The following STT3B variants were observed in gnomAD, a reference collection of about 807,000 sequenced individuals.
STT3B encodes the protein STT3 oligosaccharyltransferase complex catalytic subunit B.
Under a neutral mutation model 96.8 loss-of-function variants are expected in STT3B, and 29 were observed. The ratio of observed to expected loss-of-function variants is 0.30; its 90% CI spans 0.22 to 0.41. The LOEUF (loss-of-function observed/expected upper bound fraction) is 0.41. STT3B is among the 10% of genes least tolerant of loss of function. STT3B has a pLI of 1.00. For missense variants in STT3B, 640 were observed against 1,022.3 expected (o/e 0.63, Z 5.10); for synonymous variants, 367 against 360.0 (o/e 1.02, Z -0.22).
chr3:31,559,151 GT>G (rs1304850254), intron 1 of STT3B, among the ~76,000 whole-genome samples: 1 of 58,156 alleles, frequency 1.7e-5, no homozygotes, highest in Non-Finnish European at 3.0e-5. Context: ...CTTGGGGTGT[GT>G]GTGTGTGTGT....
chr3:31,538,784 T>G (rs1432207073), intron 1 of STT3B, among the ~76,000 whole-genome samples: 2 of 152,284 alleles, frequency 1.3e-5, no homozygotes, highest in Non-Finnish European at 2.9e-5. Flanking sequence ...TACTCTGTCT[T>G]CAACCGTCTA....
chr3:31,553,101 CAA>C (rs558668757), intron 1 of STT3B, among the ~76,000 whole-genome samples: 4 of 63,064 alleles, frequency 6.3e-5, no homozygotes, highest in Non-Finnish European at 7.4e-5. Context: ...AACTCCGTCT[CAA>C]AAAAAAAAAA....
intron 5 of STT3B, among the ~76,000 whole-genome samples, chr3:31,605,488 C>CTG (rs1699029775): frequency 7.7e-6 from 1 of 129,234 alleles, no homozygotes; most frequent in Non-Finnish European, 1.8e-5. Context: ...TTATCTCATA[C>CTG]TGTTCTCATG....
intron 3 of STT3B, among the ~76,000 whole-genome samples, chr3:31,580,952 AC>A (rs1009414553): frequency 5.3e-5 from 8 of 151,692 alleles, no homozygotes; most frequent in East Asian, 1.9e-4. Flanking sequence ...AAAAAAAAAA[AC>A]ACCTTAAAAT....
intron 13 of STT3B, 178 bp from the exon 14 acceptor site, chr3:31,629,120 T>TTAA: frequency 1.9e-6 from 1 of 533,274 alleles, no homozygotes; most frequent in South Asian, 2.4e-5. Context: ...ATAATAATTA[T>TTAA]TAAGGCCTTA....
At chr3:31,632,232 G>T (rs1464130516) in intron 14 of STT3B, among the ~76,000 whole-genome samples, 3 of 151,946 alleles carry the variant, frequency 2.0e-5, no homozygotes, top group Non-Finnish European at 4.4e-5. Flanking sequence ...TTCACGGTTT[G>T]GTTTTTTTAT....
intron 3 of STT3B, among the ~76,000 whole-genome samples, chr3:31,590,180 GATGTCACCT>G (rs1324786253): frequency 6.6e-6 from 1 of 151,866 alleles, no homozygotes; most frequent in African/African-American, 2.4e-5. Flanking sequence ...AATCTGTAGT[GATGTCACCT>G]TCCTTATTCC....
At chr3:31,569,004 C>T (rs895843438) in intron 1 of STT3B, among the ~76,000 whole-genome samples, 18 of 151,968 alleles carry the variant, frequency 1.2e-4, no homozygotes, top group East Asian at 7.7e-4. Flanking sequence ...TCTTTACTTT[C>T]TTTCTTTCTT....
chr3:31,575,469 G>T (rs907575560), intron 1 of STT3B, among the ~76,000 whole-genome samples: 10 of 147,196 alleles, frequency 6.8e-5, no homozygotes, highest in East Asian at 1.9e-4. Context: ...ATTTTTTTGG[G>T]GGGGGGATAT....
At chr3:31,625,889 A>G (rs534657411) in intron 12 of STT3B, 65 bp from the exon 13 acceptor site, 2 of 1,405,492 alleles carry the variant, frequency 1.4e-6, no homozygotes, top group East Asian at 4.7e-5. Flanking sequence ...AGTAAAAAAT[A>G]TACATTGATT....
chr3:31,630,922 G>A (rs1029463136), intron 14 of STT3B, among the ~76,000 whole-genome samples: 4 of 151,720 alleles, frequency 2.6e-5, no homozygotes, highest in Non-Finnish European at 4.4e-5. Context: ...TCAGCCTCCC[G>A]AGTAGCTGAG....
At chr3:31,606,254 G>A (rs895471795) in intron 5 of STT3B, among the ~76,000 whole-genome samples, 1 of 152,192 alleles carries the variant, frequency 6.6e-6, no homozygotes, top group Non-Finnish European at 1.5e-5. Context: ...AATTGAAGCA[G>A]GCTGCAGAAA....
chr3:31,549,532 C>T (rs1248977318), intron 1 of STT3B, among the ~76,000 whole-genome samples: 1 of 151,534 alleles, frequency 6.6e-6, no homozygotes. Context: ...ATCACACCAA[C>T]TTGTGGGCCA....
In STT3B at chr3:31,591,897, G is replaced by A. The variant is rs1005867934; in HGVS notation, c.712-4901G>A. 1.1e-3 allele frequency among the ~76,000 whole-genome samples: 161 copies of A among 151,866 alleles called. 1 individual carries two copies. The highest frequency in any genetic ancestry group is 3.8e-3 in the African/African-American group (158 of 41,434). ...GACTTTCTTTAATATTTTTTCTAGA[G>A]CAAATCTGCTGTAATGGGATTTTTC... On this transcript the variant is annotated intron_variant, in intron 3 of 15. Coordinates refer to ENST00000295770, the MANE Select transcript of STT3B (RefSeq NM_178862.3).
At chr3:31,582,376 A>G (rs147733363) in intron 3 of STT3B, among the ~76,000 whole-genome samples, 59 of 149,996 alleles carry the variant, frequency 3.9e-4, no homozygotes, top group African/African-American at 1.4e-3. Context: ...GCTCGCTGCA[A>G]CCTCTGCCTC....
rs917555725 is a variant in STT3B at position 31,547,588 on chromosome 3, G to A, written c.314+14276G>A. On this transcript the variant is annotated intron_variant, in intron 1 of 15. Coordinates refer to ENST00000295770, the MANE Select transcript of STT3B (RefSeq NM_178862.3). ...ATGAACCCTGGAGGCGGAAGTTGCAGTGAGCTGAGATCGTGCCACTGCACT... is the reference window on the plus strand; with the variant it reads ...ATGAACCCTGGAGGCGGAAGTTGCAATGAGCTGAGATCGTGCCACTGCACT... 2.5e-3 allele frequency among the ~76,000 whole-genome samples: 387 copies of A among 152,328 alleles called. 14 individuals carry two copies. The highest frequency in any genetic ancestry group is 0.025 in the Admixed American group (382 of 15,304).
At chr3:31,607,019 G>C (rs995285161) in intron 5 of STT3B, among the ~76,000 whole-genome samples, 1 of 152,156 alleles carries the variant, frequency 6.6e-6, no homozygotes, top group African/African-American at 2.4e-5. Context: ...CTGCCCTGCT[G>C]GATTTTGGAC....
intron 5 of STT3B, among the ~76,000 whole-genome samples, chr3:31,610,371 G>C (rs1017296607): frequency 6.6e-6 from 1 of 152,128 alleles, no homozygotes; most frequent in African/African-American, 2.4e-5. Context: ...GATTTAACAT[G>C]GGTTAAAGTT....
chr3:31,620,136 A>G, intron 9 of STT3B: 1 of 358,772 alleles, frequency 2.8e-6, no homozygotes, highest in Non-Finnish European at 5.0e-6. Context: ...TTAGCCGAAC[A>G]TGGTGGTGCA....
Sources: gnomAD v4.1 joint callset for allele counts (sites outside exome capture counted in the v4.1 genomes callset) on GRCh38, gnomAD v4.1.1 for gene constraint, MANE v1.5 for transcripts, NCBI Gene and HGNC (gene_info 2026-07-23, HGNC 2026-07-21) for gene names.